SYNE1: variants seen among roughly 807,000 people sequenced by gnomAD.
SYNE1 encodes spectrin repeat containing nuclear envelope protein 1, also known as nesprin-1.
In SYNE1, 616 loss-of-function variants were observed where a neutral mutation model predicts 1,111.0. That is an observed-to-expected ratio of 0.55 (90% confidence interval 0.52 to 0.59). The LOEUF (loss-of-function observed/expected upper bound fraction) is 0.59, where lower values mean the gene tolerates loss of function less well. Ranked by LOEUF, SYNE1 falls within the 20% of genes least tolerant of loss-of-function variation. SYNE1 has a pLI of 0.00. For synonymous variants in SYNE1, 3,855 were observed against 3,825.8 expected, an observed-to-expected ratio of 1.01 and a Z score of -0.28; for missense variants, 10,006 against 10,417.0, an observed-to-expected ratio of 0.96 and a Z score of 1.72.
In SYNE1 at chr6:152,221,446, T is replaced by C; in HGVS notation, c.21636A>G (p.Thr7212=). 1 of 1,613,980 alleles carries C rather than the reference T, an allele frequency of 6.2e-7. No individual in the cohort carries two copies. Among genetic ancestry groups the C allele is most frequent in the Non-Finnish European group, 8.5e-7 (1 of 1,179,944 alleles). ...HPPVTETLTN[T]LKEVNMRWNN... is the part of the protein sequence containing the mutation. ...CATACCTCATGTTGACTTCTTTCAG[T>C]GTATTGGTAAGAGTTTCTGTCACGG... The change falls in exon 118 of 146, where the codon ACA becomes ACG. Residue 7212 remains threonine, a synonymous_variant. Transcript: ENST00000367255.
chr6:152,321,336 C>G lies in SYNE1; in HGVS notation c.16138G>C (p.Glu5380Gln), dbSNP rs1199975650. Residue 5380 changes from glutamate (E) to glutamine (Q), a missense_variant, in exon 84 of 146, where the codon GAA (glutamate) becomes CAA (glutamine). This residue lies in a region of SYNE1 where 4,955 missense variants were observed against 5,017.2 expected (regional missense o/e 0.99). Transcript: ENST00000367255. ...HRQNIEKMAEEQKEKYLGLYT... is the reference protein window; with the variant it reads ...HRQNIEKMAEQQKEKYLGLYT... ...AGACCTAAGTACTTCTCCTTCTGTT[C>G]TTCTGCCATTTTTTCAATGTTCTGT... The G allele has an allele frequency of 1.2e-6, 2 of 1,613,822 alleles. No homozygotes were observed. The highest frequency in any genetic ancestry group is 2.2e-5 in the South Asian group (2 of 91,060).
rs538450547 is a variant in SYNE1 at position 152,134,976 on chromosome 6, A to G, written c.25788+128T>C. 7.5e-5 allele frequency: 97 copies of G among 1,287,494 alleles called. 1 individual carries two copies. In the African/African-American group the frequency reaches 1.4e-3, roughly 18 times the overall value. The allele number at this position is 1,287,494 out of a possible 1,614,324, so 79.8% of individuals were successfully genotyped here. ...AAACCACAGGGAGTTAAAAAAGTGT[A>G]AAGTAGAGACTATAATGCAAAAAGT... On this transcript the variant is annotated intron_variant, in intron 142 of 145. Transcript: ENST00000367255.
rs1411420007 is a variant in SYNE1, at chr6:152,242,301, C to T, written c.19832G>A (p.Gly6611Glu). 1 of 1,614,056 alleles carries T rather than the reference C, an allele frequency of 6.2e-7. No individual in the cohort carries two copies. The highest frequency in any genetic ancestry group is 8.5e-7 in the Non-Finnish European group (1 of 1,180,006). ...LLETGQEKMA[G>E]DQKIIVSSKE... ...GGAAGACACGATGATTTTCTGGTCT[C>T]CTGCCATCTTCTCCTGACCAGTTTC... The change falls in exon 107 of 146, where the codon GGA becomes GAA. Residue 6611 changes from glycine (G) to glutamate (E), a missense_variant. This residue lies in a region of SYNE1 where 2,182 missense variants were observed against 2,287.8 expected (regional missense o/e 0.95). Transcript: ENST00000367255.
chr6:152,522,632 C>A (rs893974279), intron 5 of SYNE1, among the ~76,000 whole-genome samples: 28 of 152,000 alleles, frequency 1.8e-4, no homozygotes, highest in Admixed American at 2.6e-4. Flanking sequence ...GAAATCATAC[C>A]GTTTTTCCAT....
intron 77 of SYNE1, 74 bp downstream of exon 77, chr6:152,333,934 C>G: frequency 6.2e-7 from 1 of 1,602,066 alleles, no homozygotes; most frequent in Non-Finnish European, 8.5e-7. Flanking sequence ...CACCTGGGCA[C>G]ATTTTAAATT....
At chr6:152,463,595 A>G in intron 18 of SYNE1, 78 bp from the exon 19 acceptor site, 1 of 1,220,152 alleles carries the variant, frequency 8.2e-7, no homozygotes, top group Admixed American at 1.9e-5. Flanking sequence ...CTAAAGTAGG[A>G]AAAATATTTT....
At chr6:152,398,518 G>T in intron 49 of SYNE1, 101 bp downstream of exon 49, 1 of 942,162 alleles carries the variant, frequency 1.1e-6, no homozygotes, top group Non-Finnish European at 1.7e-6. Flanking sequence ...ACGAGGAAAA[G>T]ATTGGCTCAG....
intron 127 of SYNE1, among the ~76,000 whole-genome samples, chr6:152,196,694 C>A (rs2074214515): frequency 6.6e-6 from 1 of 151,714 alleles, no homozygotes; most frequent in Non-Finnish European, 1.5e-5. Flanking sequence ...TTTTCTCAAG[C>A]AGAAGGAAGG....
At chr6:152,441,765 G>A (rs2098532551) in intron 31 of SYNE1, among the ~76,000 whole-genome samples, 1 of 152,122 alleles carries the variant, frequency 6.6e-6, no homozygotes, top group East Asian at 1.9e-4. Flanking sequence ...AAGTGAAATG[G>A]CATGATCAAA....
rs191689486 is a variant in SYNE1, at chr6:152,286,431, G to A, written c.18013-2259C>T. ...GGCTCCTTTCATGATTGTGAGAGTC[G>A]TTCATTTTGTTGCACGGAGAAAGAG... On this transcript the variant is annotated intron_variant, in intron 95 of 145. Coordinates refer to ENST00000367255, the MANE Select transcript of SYNE1 (RefSeq NM_182961.4). Among the ~76,000 whole-genome samples the A allele has an allele frequency of 1.0e-3, 155 of 152,238 alleles. 1 individual carries two copies. Among genetic ancestry groups the A allele is most frequent in the African/African-American group, 3.5e-3 (147 of 41,552 alleles).
At position 152,269,161 on chromosome 6, in the gene SYNE1, T is replaced by C; in HGVS notation, c.18699A>G (p.Gln6233=). 13 of 1,614,222 alleles carry C rather than the reference T, an allele frequency of 8.1e-6. No homozygotes were observed. Among genetic ancestry groups the C allele is most frequent in the Admixed American group, 1.7e-5 (1 of 60,022 alleles). ...WTQQRQSSLQ[Q]QKELEQELAE... ...GAGGTAGGAAACACTTTACTTTTTG[T>C]TGCTGGAGACTGCTCTGCCGCTGCT... is the stretch of plus-strand genomic sequence containing the variant. Residue 6233 remains glutamine, a synonymous_variant, in exon 99 of 146, where the codon CAA becomes CAG. Transcript: ENST00000367255.
At chr6:152,321,058 T>C (rs956805613) in intron 84 of SYNE1, among the ~76,000 whole-genome samples, 180 bp downstream of exon 84, 2 of 152,246 alleles carry the variant, frequency 1.3e-5, no homozygotes, top group Non-Finnish European at 2.9e-5. Context: ...TTATTGGTCA[T>C]ATCTATGATC....
In SYNE1 at chr6:152,294,038, G is replaced by A; in HGVS notation, c.17772C>T (p.Phe5924=). The A allele has an allele frequency of 6.2e-7, 1 of 1,614,072 alleles. No homozygotes were observed. Among genetic ancestry groups the A allele is most frequent in the Non-Finnish European group, 8.5e-7 (1 of 1,180,016 alleles). Residue 5924 remains phenylalanine (F), a synonymous_variant, in exon 94 of 146, where the codon TTC becomes TTT. Transcript: ENST00000367255. The part of the protein sequence containing the change: ...IHPSTSASQE[F]YEPGLEPSAT... ...CGGATGGCTCCAATCCCGGTTCATAGAACTCCTGGGATGCGGATGTGCTGG... is the reference window on the plus strand; with the variant it reads ...CGGATGGCTCCAATCCCGGTTCATAAAACTCCTGGGATGCGGATGTGCTGG...
chr6:152,430,282 G>T, intron 35 of SYNE1, 72 bp from the exon 36 acceptor site: 1 of 1,322,434 alleles, frequency 7.6e-7, no homozygotes, highest in South Asian at 1.3e-5. Context: ...AAGTTACTGA[G>T]AAAATGGCAT....
chr6:152,540,422 G>A (rs1226120640), intron 3 of SYNE1, among the ~76,000 whole-genome samples: 2 of 152,174 alleles, frequency 1.3e-5, no homozygotes, highest in African/African-American at 4.8e-5. Context: ...TCTAGAGGTG[G>A]AAATGGACAA....
intron 107 of SYNE1, among the ~76,000 whole-genome samples, chr6:152,241,807 C>T (rs918277448): frequency 2.0e-5 from 3 of 151,986 alleles, no homozygotes; most frequent in Non-Finnish European, 4.4e-5. Flanking sequence ...GAGTCCTTGA[C>T]GAGGACAAGG....
In SYNE1 at chr6:152,214,849, C is replaced by T. The variant is rs542777060; in HGVS notation, c.22346+57G>A. The T allele has an allele frequency of 1.1e-4, 178 of 1,594,514 alleles. No homozygotes were observed. The South Asian group carries it at 1.5e-3, about 13-fold the overall frequency. ...TGCATTCTGTAGTATTTTGACATAG[C>T]GGCACAAACCAGACTAAGACAACTG... On this transcript the variant is annotated intron_variant, in intron 122 of 145. Transcript: ENST00000367255.
intron 3 of SYNE1, among the ~76,000 whole-genome samples, chr6:152,600,200 G>T (rs1356478551): frequency 6.6e-6 from 1 of 152,136 alleles, no homozygotes; most frequent in Non-Finnish European, 1.5e-5. Flanking sequence ...AACCTCAGAA[G>T]AGGTGACGAA....
At chr6:152,225,299 A>G (rs111820134) in intron 116 of SYNE1, among the ~76,000 whole-genome samples, 6 of 120,770 alleles carry the variant, frequency 5.0e-5, no homozygotes, top group South Asian at 3.0e-4. Flanking sequence ...ACACACACAC[A>G]CACGCACACA....
Sources: allele counts gnomAD v4.1 joint callset (sites outside exome capture counted in the v4.1 genomes callset), GRCh38; gene constraint gnomAD v4.1.1; regional missense constraint gnomAD v4.1.1; transcripts MANE v1.5; gene names NCBI Gene and HGNC (gene_info 2026-07-23, HGNC 2026-07-21).